Variants in ACOXL observed in about 807,000 individuals in gnomAD.
ACOXL encodes the protein acyl-CoA oxidase like.
A neutral mutation model predicts 71.9 loss-of-function variants in ACOXL; 70 were observed. The ratio of observed to expected loss-of-function variants is 0.97; its 90% CI spans 0.80 to 1.19. The LOEUF (loss-of-function observed/expected upper bound fraction) is 1.19. ACOXL is among the 50% of genes most tolerant of loss of function. ACOXL has a pLI of 0.00. For synonymous variants in ACOXL, 253 were observed against 281.6 expected (o/e 0.90, Z 1.02); for missense variants, 703 against 736.3 (o/e 0.95, Z 0.52).
At chr2:110,988,021 A>T (rs1574399019) in intron 13 of ACOXL, among the ~76,000 whole-genome samples, 1 of 152,300 alleles carries the variant, frequency 6.6e-6, no homozygotes, top group East Asian at 1.9e-4. Context: ...TATCCATAGG[A>T]CCTCCACTTC....
chr2:110,766,551 A>G (rs886765534), intron 1 of ACOXL, among the ~76,000 whole-genome samples: 6 of 152,128 alleles, frequency 3.9e-5, no homozygotes, highest in African/African-American at 1.4e-4. Context: ...CTTTGTTGTC[A>G]CCGGTATGGG....
chr2:111,094,602 C>A (rs557961080), intron 17 of ACOXL, among the ~76,000 whole-genome samples: 2 of 152,178 alleles, frequency 1.3e-5, no homozygotes, highest in African/African-American at 4.8e-5. Context: ...CAGCATTAAT[C>A]CATTCATGAG....
At chr2:111,055,963 G>T (rs1317174391) in intron 16 of ACOXL, among the ~76,000 whole-genome samples, 1 of 152,224 alleles carries the variant, frequency 6.6e-6, no homozygotes, top group Non-Finnish European at 1.5e-5. Flanking sequence ...GTGGCTGGCA[G>T]TGTTCCTAAA....
chr2:110,956,750 T>A (rs2061516453), intron 12 of ACOXL, among the ~76,000 whole-genome samples: 1 of 152,268 alleles, frequency 6.6e-6, no homozygotes, highest in Non-Finnish European at 1.5e-5. Context: ...TTCTAATTTG[T>A]TCTGATACCT....
intron 10 of ACOXL, among the ~76,000 whole-genome samples, chr2:110,907,560 A>G (rs6720503): frequency 0.3 from 45,515 of 151,762 alleles, 7,370 homozygotes; most frequent in Middle Eastern, 0.37. Context: ...ATGGAGGGGC[A>G]GGCATGGATG....
intron 9 of ACOXL, among the ~76,000 whole-genome samples, chr2:110,821,195 T>C (rs1408814577): frequency 1.3e-5 from 2 of 152,236 alleles, no homozygotes; most frequent in African/African-American, 4.8e-5. Context: ...GATGTCATTC[T>C]TTCCTGGATG....
intron 16 of ACOXL, among the ~76,000 whole-genome samples, chr2:111,079,823 C>T (rs1002416208): frequency 1.4e-5 from 2 of 139,808 alleles, no homozygotes; most frequent in Non-Finnish European, 3.1e-5. Flanking sequence ...TAAGAGTCAC[C>T]TTTTTTTTTT....
At chr2:111,043,390 C>G (rs962171711) in intron 15 of ACOXL, among the ~76,000 whole-genome samples, 2 of 152,242 alleles carry the variant, frequency 1.3e-5, no homozygotes, top group African/African-American at 4.8e-5. Context: ...GTTTCTCTCT[C>G]TCTCTTTCAA....
At chr2:111,005,274 G>A (rs980097089) in intron 14 of ACOXL, among the ~76,000 whole-genome samples, 6 of 152,134 alleles carry the variant, frequency 3.9e-5, no homozygotes, top group African/African-American at 9.7e-5. Context: ...AGTCCCAAGC[G>A]AAAGGCAAGT....
rs564289137 is a variant in ACOXL, at chr2:110,906,366, C to T, written c.789-2423C>T. 1.1e-4 allele frequency among the ~76,000 whole-genome samples: 17 copies of T among 151,712 alleles called. 1 individual carries two copies. In the East Asian group the frequency reaches 2.7e-3, roughly 24 times the overall value. ...CAGCCTGGCCAACATGGTGAAACCC[C>T]GTCTCTACCAAAAATGCAAAAAATT... On this transcript the variant is annotated intron_variant, in intron 10 of 17. Transcript: ENST00000439055.
chr2:110,925,159 C>T (rs1364807925), intron 11 of ACOXL, among the ~76,000 whole-genome samples: 2 of 152,206 alleles, frequency 1.3e-5, no homozygotes, highest in Non-Finnish European at 2.9e-5. Context: ...GCTGTTGTTT[C>T]ATTTCTAGAG....
chr2:110,857,934 C>T (rs1372037488), intron 10 of ACOXL, among the ~76,000 whole-genome samples: 2 of 152,154 alleles, frequency 1.3e-5, no homozygotes, highest in Admixed American at 1.3e-4. Context: ...CCATGTTGCC[C>T]AGGCTGGTCT....
chr2:111,107,391 C>T (rs2069619177), intron 17 of ACOXL, among the ~76,000 whole-genome samples: 1 of 152,148 alleles, frequency 6.6e-6, no homozygotes. Context: ...TTCAGTTGTA[C>T]TTAGTAGGAG....
chr2:110,801,482 G>T lies in ACOXL; in HGVS notation c.548-170G>T, dbSNP rs979504978. Among the ~76,000 whole-genome samples, 7 of 152,300 alleles carry T rather than the reference G, an allele frequency of 4.6e-5. No homozygotes were observed. In the South Asian group the frequency reaches 1.0e-3, roughly 23 times the overall value. On this transcript the variant is annotated intron_variant, in intron 7 of 17. Transcript: ENST00000439055. ...CAGGCTGGTGGAAGAAACAGGCACA[G>T]CTCATCAAGGAAACAACAGACAACA...
intron 10 of ACOXL, among the ~76,000 whole-genome samples, chr2:110,895,086 A>G (rs1292389313): frequency 1.3e-5 from 2 of 152,238 alleles, no homozygotes; most frequent in Non-Finnish European, 2.9e-5. Context: ...CACCAAAATA[A>G]CAGAGATGTT....
chr2:110,990,265 T>G (rs72834565), intron 13 of ACOXL, among the ~76,000 whole-genome samples: 67,670 of 151,938 alleles, frequency 0.45, 15,406 homozygotes, highest in Middle Eastern at 0.53. Flanking sequence ...TACTATATCC[T>G]TTCATAGATT....
intron 14 of ACOXL, among the ~76,000 whole-genome samples, chr2:111,023,732 A>T (rs2064885955): frequency 1.3e-5 from 2 of 152,166 alleles, no homozygotes. Flanking sequence ...GGAGGAAGGC[A>T]TGGGCCAGAC....
chr2:110,981,010 C>T (rs1288645512), intron 12 of ACOXL, among the ~76,000 whole-genome samples: 1 of 152,178 alleles, frequency 6.6e-6, no homozygotes, highest in African/African-American at 2.4e-5. Context: ...TTTGTATCCC[C>T]AGTGACTACA....
At chr2:110,817,925 A>G (rs1688104021) in intron 9 of ACOXL, among the ~76,000 whole-genome samples, 1 of 148,358 alleles carries the variant, frequency 6.7e-6, no homozygotes, top group South Asian at 2.1e-4. Flanking sequence ...CGTCTCGTCC[A>G]AGTTTTGTTT....
Sources: gnomAD v4.1 joint callset for allele counts (sites outside exome capture counted in the v4.1 genomes callset) on GRCh38, gnomAD v4.1.1 for gene constraint, MANE v1.5 for transcripts, NCBI Gene and HGNC (gene_info 2026-07-23, HGNC 2026-07-21) for gene names.